The following SGO2 variants were observed in gnomAD, a reference collection of about 807,000 sequenced individuals.
SGO2 encodes the protein shugoshin 2.
In SGO2, 68 loss-of-function variants were observed where a neutral mutation model predicts 99.5. The observed-to-expected ratio is 0.68, with a 90% CI of 0.56 to 0.84. SGO2 has a LOEUF of 0.84. Among genes scored for constraint, SGO2 ranks in the 40% least tolerant of loss-of-function variants. The pLI is 0.00. For missense variants in SGO2, 1,350 were observed against 1,436.7 expected, an observed-to-expected ratio of 0.94 and a Z score of 0.97; for synonymous variants, 457 against 487.1, an observed-to-expected ratio of 0.94 and a Z score of 0.81.
Position 200,570,913 on chromosome 2 carries a change from A to C in SGO2, c.704-137A>C, listed in dbSNP as rs2033386651. On this transcript the variant is annotated intron_variant, in intron 6 of 8. Coordinates refer to ENST00000357799, the MANE Select transcript of SGO2 (RefSeq NM_152524.6). The surrounding 1 kb of genome is among the most constrained non-coding windows in gnomAD (Gnocchi z 4.4). ...TATTTTCTTATAAGCATAGATTCTT[A>C]GTAATATTAGGATCTGATCAGAACA... 1.5e-6 allele frequency: 1 copy of C among 652,738 alleles called. No individual in the cohort carries two copies. 40.4% of individuals were successfully genotyped at this position (652,738 alleles called of 1,614,324 possible).
At chr2:200,545,182 C>A (rs2032156595) in intron 5 of SGO2, among the ~76,000 whole-genome samples, 1 of 151,908 alleles carries the variant, frequency 6.6e-6, no homozygotes, top group African/African-American at 2.4e-5. Context: ...AATTTTTATA[C>A]TTTTTGTAGA....
intron 8 of SGO2, among the ~76,000 whole-genome samples, chr2:200,575,816 A>C (rs1304130271): frequency 6.6e-6 from 1 of 152,184 alleles, no homozygotes; most frequent in Non-Finnish European, 1.5e-5. Flanking sequence ...TGTTCCCTAG[A>C]AGTCAAAGTG....
intron 4 of SGO2, among the ~76,000 whole-genome samples, chr2:200,542,323 G>A (rs1245222378): frequency 6.6e-6 from 1 of 152,172 alleles, no homozygotes; most frequent in Non-Finnish European, 1.5e-5. Context: ...TGTAGGTATA[G>A]TCATGTATTT....
chr2:200,550,577 A>G (rs1456558148), intron 5 of SGO2, among the ~76,000 whole-genome samples: 1 of 152,194 alleles, frequency 6.6e-6, no homozygotes, highest in African/African-American at 2.4e-5. Flanking sequence ...CAAAGGTCCC[A>G]AGAACTTACA....
rs2033450085 is a variant in SGO2, at chr2:200,572,093, G to A, written c.1747G>A (p.Asp583Asn). 4 of 1,613,292 alleles carry A rather than the reference G, an allele frequency of 2.5e-6. No homozygotes were observed. The African/African-American group carries it at 5.3e-5, about 22-fold the overall frequency. Residue 583 changes from aspartate to asparagine, a missense_variant, in exon 7 of 9, where the codon GAT becomes AAT. Asp to Asn is a conservative substitution (Grantham distance 23, BLOSUM62 1). Coordinates refer to ENST00000357799, the MANE Select transcript of SGO2 (RefSeq NM_152524.6). ...LSTKDNGNLC[D>N]YGTHNILDLK... ...CACCAAAGATAATGGAAATTTATGT[G>A]ATTATGGGACCCACAATATATTGGA...
intron 5 of SGO2, among the ~76,000 whole-genome samples, chr2:200,562,094 C>T (rs1057408781): frequency 3.0e-4 from 46 of 152,290 alleles, no homozygotes; most frequent in South Asian, 8.3e-4. Flanking sequence ...GCTTTTGCTG[C>T]AATTGCTTTT....
At chr2:200,528,011 A>G (rs940516571) in intron 1 of SGO2, among the ~76,000 whole-genome samples, 5 of 152,228 alleles carry the variant, frequency 3.3e-5, no homozygotes, top group African/African-American at 1.2e-4. Flanking sequence ...TACAAAGGGA[A>G]GAAGGAATAA....
At chr2:200,557,136 A>G (rs1221299874) in intron 5 of SGO2, among the ~76,000 whole-genome samples, 1 of 152,156 alleles carries the variant, frequency 6.6e-6, no homozygotes, top group East Asian at 1.9e-4. Context: ...ATCCAAAGAG[A>G]AGAGTGGTTA....
intron 8 of SGO2, among the ~76,000 whole-genome samples, chr2:200,579,824 C>T (rs931764383): frequency 1.3e-5 from 2 of 152,058 alleles, no homozygotes; most frequent in African/African-American, 4.8e-5. Flanking sequence ...AGTTACCCAC[C>T]TTTGAATTGT....
chr2:200,553,376 A>T (rs1435464557), intron 5 of SGO2, among the ~76,000 whole-genome samples: 1 of 152,232 alleles, frequency 6.6e-6, no homozygotes, highest in Non-Finnish European at 1.5e-5. Context: ...ATGTGCCCAG[A>T]ATTAGAATAC....
intron 4 of SGO2, 25 bp downstream of exon 4, chr2:200,536,167 G>T: frequency 2.8e-6 from 4 of 1,420,600 alleles, no homozygotes; most frequent in Non-Finnish European, 3.9e-6. Context: ...TATGTAAATA[G>T]TGTTGTTCTT....
intron 1 of SGO2, among the ~76,000 whole-genome samples, chr2:200,530,224 A>T (rs532272716): frequency 6.6e-6 from 1 of 152,208 alleles, no homozygotes; most frequent in Non-Finnish European, 1.5e-5. Context: ...CAGAAACTCA[A>T]GTGAGACATG....
At chr2:200,576,153 C>A in intron 8 of SGO2, 2 of 324,722 alleles carry the variant, frequency 6.2e-6, no homozygotes, top group African/African-American at 2.3e-5. Flanking sequence ...CAATAACCAG[C>A]AGATGGCAGT....
At position 200,571,225 on chromosome 2, in the gene SGO2, A is replaced by T. The variant is rs1396578121; in HGVS notation, c.879A>T (p.Thr293=). 6.2e-7 allele frequency: 1 copy of T among 1,613,642 alleles called. No individual in the cohort carries two copies. Among genetic ancestry groups the T allele is most frequent in the East Asian group, 2.2e-5 (1 of 44,864 alleles). The change falls in exon 7 of 9, where the codon ACA becomes ACT. Residue 293 remains threonine, a synonymous_variant. Transcript: ENST00000357799. The part of the protein sequence containing the change: ...NNLSADTPCA[T]VLDKQHISSP... ...TTTCTGCAGACACTCCCTGTGCAAC[A>T]GTTTTAGATAAACAACACATTTCAA...
At chr2:200,542,259 A>G (rs2031997097) in intron 4 of SGO2, among the ~76,000 whole-genome samples, 6 of 152,222 alleles carry the variant, frequency 3.9e-5, no homozygotes, top group Admixed American at 3.9e-4. Context: ...AAAATATTGC[A>G]TAATACATAT....
intron 7 of SGO2, among the ~76,000 whole-genome samples, 171 bp downstream of exon 7, chr2:200,574,148 T>C (rs1559219874): frequency 6.6e-6 from 1 of 152,042 alleles, no homozygotes; most frequent in Non-Finnish European, 1.5e-5. Context: ...ATAAAGAAAG[T>C]TTCATACTTT....
intron 5 of SGO2, among the ~76,000 whole-genome samples, chr2:200,557,406 G>C (rs1159458916): frequency 6.6e-6 from 1 of 152,030 alleles, no homozygotes; most frequent in East Asian, 1.9e-4. Context: ...TTGGCCAATT[G>C]GTGCTGCAGT....
In SGO2 at chr2:200,526,580, C is replaced by T. The variant is rs2031103403; in HGVS notation, c.-3+328C>T. Among the ~76,000 whole-genome samples, 1 of 152,064 alleles carries T rather than the reference C, an allele frequency of 6.6e-6. No homozygotes were observed. The highest frequency in any genetic ancestry group is 2.4e-5 in the African/African-American group (1 of 41,400). Reference sequence around the variant, plus strand: ...CTACTCCCTTGAACAGTTTCTAGGGCATTGTGAGCGCTCAGTACGTGTCTG... The same window carrying T: ...CTACTCCCTTGAACAGTTTCTAGGGTATTGTGAGCGCTCAGTACGTGTCTG... On this transcript the variant is annotated intron_variant, in intron 1 of 8. Transcript: ENST00000357799. This position sits in a 1 kb window ranked among gnomAD's most constrained non-coding sequence, Gnocchi z 4.8.
chr2:200,549,633 A>G lies in SGO2; in HGVS notation c.473+6969A>G, dbSNP rs538924872. 1.7e-4 allele frequency among the ~76,000 whole-genome samples: 26 copies of G among 152,346 alleles called. No homozygotes were observed. The East Asian group carries it at 4.8e-3, about 28-fold the overall frequency. ...TCAATCAATGTGATTCACCACATTA[A>G]AAGAAACAAGAACAAAAACTGTATG... On this transcript the variant is annotated intron_variant, in intron 5 of 8. Transcript: ENST00000357799.
Sources: gnomAD v4.1 joint callset for allele counts (sites outside exome capture counted in the v4.1 genomes callset) on GRCh38, gnomAD v4.1.1 for gene constraint, Gnocchi (gnomAD v3.1) non-coding constraint, MANE v1.5 for transcripts, NCBI Gene and HGNC (gene_info 2026-07-23, HGNC 2026-07-21) for gene names.